MTMR3: variants seen among roughly 807,000 people sequenced by gnomAD.
MTMR3 encodes phosphatidylinositol-3,5-bisphosphate 3-phosphatase MTMR3.
Under a neutral mutation model 132.4 loss-of-function variants are expected in MTMR3, and 32 were observed. The ratio of observed to expected loss-of-function variants is 0.24; its 90% CI spans 0.18 to 0.32. MTMR3 has a LOEUF of 0.32. MTMR3 is among the 10% of genes least tolerant of loss of function. MTMR3 has a pLI of 1.00. For missense variants in MTMR3, 1,216 were observed against 1,489.6 expected, an observed-to-expected ratio of 0.82 and a Z score of 3.02; for synonymous variants, 556 against 550.3, an observed-to-expected ratio of 1.01 and a Z score of -0.14.
chr22:29,977,166 C>T (rs1434014330), intron 3 of MTMR3, among the ~76,000 whole-genome samples: 2 of 152,108 alleles, frequency 1.3e-5, no homozygotes, highest in African/African-American at 4.8e-5. Context: ...GTGGTGGGCG[C>T]CTGTGGTCCC....
At chr22:29,954,256 A>T (rs1403337976) in intron 1 of MTMR3, among the ~76,000 whole-genome samples, 3 of 151,376 alleles carry the variant, frequency 2.0e-5, no homozygotes, top group South Asian at 4.2e-4. Flanking sequence ...TAATTAAAAA[A>T]TTTTATTTTA....
At chr22:29,899,651 T>G (rs1287641034) in intron 1 of MTMR3, 1 of 152,254 alleles carries the variant, frequency 6.6e-6, no homozygotes, top group Non-Finnish European at 1.5e-5. Flanking sequence ...TAATCTTCTC[T>G]GTATTGTTCC....
At chr22:30,018,375 C>A (rs1265621970) in intron 16 of MTMR3, 2 of 295,756 alleles carry the variant, frequency 6.8e-6, no homozygotes, top group Non-Finnish European at 1.2e-5. Context: ...TTCCCCAGTG[C>A]TCTGTGCTCC....
chr22:29,942,906 A>G (rs1343508481), intron 1 of MTMR3, among the ~76,000 whole-genome samples: 1 of 152,216 alleles, frequency 6.6e-6, no homozygotes, highest in African/African-American at 2.4e-5. Context: ...CTGAGGTGAC[A>G]TACATCCTCC....
chr22:29,948,072 A>G (rs2065985325), intron 1 of MTMR3, among the ~76,000 whole-genome samples: 1 of 152,196 alleles, frequency 6.6e-6, no homozygotes, highest in Non-Finnish European at 1.5e-5. Context: ...ACAAATTTTA[A>G]CTAGGCCAGT....
intron 2 of MTMR3, among the ~76,000 whole-genome samples, chr22:29,963,846 A>G (rs892133839): frequency 5.9e-5 from 9 of 151,654 alleles, no homozygotes; most frequent in Non-Finnish European, 1.0e-4. Context: ...TGTAGTGGAA[A>G]AAAAAAAAAA....
intron 1 of MTMR3, among the ~76,000 whole-genome samples, chr22:29,887,049 C>G (rs2064691839): frequency 6.6e-6 from 1 of 152,120 alleles, no homozygotes; most frequent in African/African-American, 2.4e-5. Context: ...TAGAGGCTAC[C>G]AAATTATTAA....
intron 2 of MTMR3, among the ~76,000 whole-genome samples, chr22:29,967,917 C>CTGTGTGTGTGTGTGTGTG (rs57853762): frequency 6.7e-6 from 1 of 148,342 alleles, no homozygotes; most frequent in African/African-American, 2.5e-5. Context: ...ATTATATATA[C>CTGTGTGTGTGTGTGTGTG]TGTGTGTGTG....
intron 5 of MTMR3, 70 bp downstream of exon 5, chr22:29,979,122 A>G: frequency 9.8e-7 from 1 of 1,020,712 alleles, no homozygotes; most frequent in East Asian, 2.4e-5. Flanking sequence ...TAATGCTCTC[A>G]AAGAGAGGAG....
intron 8 of MTMR3, chr22:29,999,962 A>G (rs773988425): frequency 1.3e-5 from 2 of 151,664 alleles, no homozygotes; most frequent in Non-Finnish European, 2.9e-5. Context: ...TAGTGAGCTG[A>G]GATTGCACCA....
intron 3 of MTMR3, among the ~76,000 whole-genome samples, chr22:29,974,172 C>T (rs2066588774): frequency 6.6e-6 from 1 of 152,198 alleles, no homozygotes; most frequent in African/African-American, 2.4e-5. Flanking sequence ...CTGCTTATAG[C>T]TAGGATACGT....
chr22:30,011,924 GTTTTTCTTTT>G (rs1569048924), intron 12 of MTMR3: 1 of 158,058 alleles, frequency 6.3e-6, no homozygotes, highest in African/African-American at 2.4e-5. Context: ...GTATTCATGA[GTTTTTCTTTT>G]CTTTTCTTTT....
chr22:30,004,926 G>A (rs998877948), intron 9 of MTMR3: 9 of 152,366 alleles, frequency 5.9e-5, no homozygotes, highest in African/African-American at 2.2e-4. Context: ...CTGAACCAGC[G>A]CTTGATTAGG....
chr22:29,958,622 A>G (rs2049849634), intron 2 of MTMR3, among the ~76,000 whole-genome samples: 1 of 152,132 alleles, frequency 6.6e-6, no homozygotes. Context: ...TGAGTCTTCC[A>G]GAAAGTCTTC....
chr22:29,891,394 T>C (rs73396803), intron 1 of MTMR3, among the ~76,000 whole-genome samples: 2,412 of 144,228 alleles, frequency 0.017, 67 homozygotes, highest in African/African-American at 0.057. Flanking sequence ...ATATATAATA[T>C]ATATGTGTAT....
intron 2 of MTMR3, among the ~76,000 whole-genome samples, chr22:29,967,245 G>GCGCA (rs1470966026): frequency 1.0e-4 from 15 of 150,420 alleles, no homozygotes; most frequent in African/African-American, 2.5e-4. Flanking sequence ...ATGCGCGCGC[G>GCGCA]CGCGCATGTT....
At chr22:30,023,045 TG>T in intron 19 of MTMR3, 1 of 398,866 alleles carries the variant, frequency 2.5e-6, no homozygotes, top group Non-Finnish European at 4.6e-6. Flanking sequence ...TTTCCTGCGA[TG>T]GGGAGGGAAC....
chr22:29,987,050 T>TA (rs2066873846), intron 5 of MTMR3: 1 of 152,250 alleles, frequency 6.6e-6, no homozygotes, highest in Admixed American at 6.5e-5. Flanking sequence ...CAAGATTTCT[T>TA]AGTCTTTTTC....
intron 12 of MTMR3, 40 bp downstream of exon 12, chr22:30,009,169 AAAT>A: frequency 7.5e-7 from 1 of 1,338,164 alleles, no homozygotes; most frequent in Non-Finnish European, 1.1e-6. Context: ...CATTGCTCTT[AAAT>A]AATAAGTTTG....
Sources: allele counts gnomAD v4.1 joint callset (sites outside exome capture counted in the v4.1 genomes callset), GRCh38; gene constraint gnomAD v4.1.1; transcripts MANE v1.5; gene names NCBI Gene and HGNC (gene_info 2026-07-23, HGNC 2026-07-21).